NKTR: variants seen among roughly 807,000 people sequenced by gnomAD.
NKTR encodes NK-tumor recognition protein.
NKTR carries 67 observed loss-of-function variants against 156.3 expected under a neutral mutation model. The ratio of observed to expected loss-of-function variants is 0.43; its 90% CI spans 0.35 to 0.53. The LOEUF (loss-of-function observed/expected upper bound fraction) is 0.53. Ranked by LOEUF, NKTR falls within the 20% of genes least tolerant of loss-of-function variation. NKTR has a pLI of 0.01. For synonymous variants in NKTR, 640 were observed against 596.6 expected, an observed-to-expected ratio of 1.07 and a Z score of -1.06; for missense variants, 1,604 against 1,730.9, an observed-to-expected ratio of 0.93 and a Z score of 1.30.
At chr3:42,635,907 C>CA (rs373260157) in intron 12 of NKTR, among the ~76,000 whole-genome samples, 4,207 of 113,974 alleles carry the variant, frequency 0.037, 92 homozygotes, top group Middle Eastern at 0.1. Flanking sequence ...GACTCCGTCT[C>CA]AAAAAAAAAA....
chr3:42,637,137 C>T lies in NKTR; in HGVS notation c.1433C>T (p.Ser478Phe). The T allele has an allele frequency of 9.9e-6, 16 of 1,611,326 alleles. No individual in the cohort carries two copies. The highest frequency in any genetic ancestry group is 1.3e-5 in the Non-Finnish European group (15 of 1,179,228). The change falls in exon 13 of 17, where the codon TCT becomes TTT. Residue 478 changes from serine to phenylalanine, a missense_variant. Coordinates refer to ENST00000232978, the MANE Select transcript of NKTR (RefSeq NM_005385.4). The stretch of plus-strand genomic sequence containing the variant: ...TCTTCCACTCGAAGAATGAAATCCT[C>T]TTGTGATAGAGAAAGGAGTTCTCGT... ...SKSSTRRMKS[S>F]CDRERSSRSS...
intron 16 of NKTR, among the ~76,000 whole-genome samples, chr3:42,644,770 G>C (rs1710214097): frequency 6.6e-6 from 1 of 152,100 alleles, no homozygotes; most frequent in Admixed American, 6.5e-5. Flanking sequence ...TTTGCCACTT[G>C]AAATGGCCAG....
chr3:42,601,562 C>T (rs1705476365), intron 2 of NKTR: 1 of 152,322 alleles, frequency 6.6e-6, no homozygotes, highest in Non-Finnish European at 1.5e-5. Flanking sequence ...TAGTGAAGAT[C>T]TTTTGTGATA....
chr3:42,618,778 A>G (rs980662280), intron 3 of NKTR, among the ~76,000 whole-genome samples: 1 of 152,098 alleles, frequency 6.6e-6, no homozygotes, highest in Non-Finnish European at 1.5e-5. Flanking sequence ...TGTGTCTAGT[A>G]TTATGTCCTA....
intron 2 of NKTR, chr3:42,602,342 T>A (rs990586474): frequency 6.6e-6 from 1 of 152,226 alleles, no homozygotes; most frequent in Non-Finnish European, 1.5e-5. Flanking sequence ...CTAGGTGTGT[T>A]TAAATACATT....
At chr3:42,616,748 T>C (rs1218280542) in intron 2 of NKTR, among the ~76,000 whole-genome samples, 1 of 152,070 alleles carries the variant, frequency 6.6e-6, no homozygotes, top group Non-Finnish European at 1.5e-5. Context: ...GGGGATAGGA[T>C]GGGGAGTATT....
intron 6 of NKTR, 32 bp from the exon 7 acceptor site, chr3:42,630,514 A>G (rs1438621698): frequency 1.2e-6 from 2 of 1,613,368 alleles, no homozygotes; most frequent in African/African-American, 2.7e-5. Context: ...ATCGTGTTTG[A>G]CATCATCTTT....
At chr3:42,643,634 A>G (rs1310229654) in intron 15 of NKTR, 1 of 635,778 alleles carries the variant, frequency 1.6e-6, no homozygotes, top group Non-Finnish European at 2.8e-6. Context: ...ATAATTGCCT[A>G]CAGAGATCCA....
At chr3:42,625,027 G>A (rs1321506145) in intron 6 of NKTR, among the ~76,000 whole-genome samples, 1 of 152,082 alleles carries the variant, frequency 6.6e-6, no homozygotes, top group Non-Finnish European at 1.5e-5. Flanking sequence ...CTTAAACATT[G>A]GTATAAAAAT....
At chr3:42,633,144 A>ATC in intron 9 of NKTR, 1 of 484,314 alleles carries the variant, frequency 2.1e-6, no homozygotes. Context: ...GGCTCAAGAG[A>ATC]TCTTTCTGCA....
In NKTR at chr3:42,618,789, T is replaced by C. The variant is rs140150144; in HGVS notation, c.134-231T>C. On this transcript the variant is annotated intron_variant, in intron 3 of 16. Coordinates refer to ENST00000232978, the MANE Select transcript of NKTR (RefSeq NM_005385.4). ...TAAGTGTGTCTAGTATTATGTCCTATAGCATGTAGAGTCTGTACCACACAA... is the reference window on the plus strand; with the variant it reads ...TAAGTGTGTCTAGTATTATGTCCTACAGCATGTAGAGTCTGTACCACACAA... Among the ~76,000 whole-genome samples, 80 of 152,282 alleles carry C rather than the reference T, an allele frequency of 5.3e-4. No individual in the cohort carries two copies. In the East Asian group the frequency reaches 0.011, roughly 21 times the overall value.
chr3:42,606,995 C>G (rs752744616), intron 2 of NKTR, among the ~76,000 whole-genome samples: 32 of 152,186 alleles, frequency 2.1e-4, no homozygotes, highest in Non-Finnish European at 4.3e-4. Context: ...CCTCAGCCTT[C>G]TGATACGTAA....
chr3:42,627,380 A>G, intron 6 of NKTR: 2 of 985,210 alleles, frequency 2.0e-6, no homozygotes, highest in Middle Eastern at 5.2e-4. Flanking sequence ...TTTATTTTTC[A>G]TGGTTAATCC....
At chr3:42,620,284 A>G (rs577729852) in intron 5 of NKTR, 39 of 1,222,358 alleles carry the variant, frequency 3.2e-5, no homozygotes, top group Middle Eastern at 2.4e-4. Flanking sequence ...AAACCAAGCA[A>G]TTTCTTTGAA....
At position 42,620,942 on chromosome 3, in the gene NKTR, TATAAC is replaced by T. The variant is rs1301821033; in HGVS notation, c.287-482_287-478del. The T allele has an allele frequency of 5.6e-6, 5 of 895,184 alleles. No individual in the cohort carries two copies. In the African/African-American group the frequency reaches 7.2e-5, roughly 13 times the overall value. The allele number at this position is 895,184 out of a possible 1,614,324, so 55.5% of individuals were successfully genotyped here. A position where few individuals can be genotyped will look rare whatever the true frequency, so the allele number is the denominator to read the frequency against. On this transcript the variant is annotated intron_variant, in intron 5 of 16. Transcript: ENST00000232978. Reference sequence around the variant, plus strand: ...ATTTAGATATGTTCCTGTAACTTAATATAACATAATTTTTTTGTCTTACAGTCTAG... The same window carrying T: ...ATTTAGATATGTTCCTGTAACTTAATATAATTTTTTTGTCTTACAGTCTAG...
intron 2 of NKTR, chr3:42,612,177 T>TTTACTA (rs1186907096): frequency 3.3e-4 from 51 of 152,332 alleles, no homozygotes; most frequent in African/African-American, 1.1e-3. Context: ...CAAGGTGCAG[T>TTTACTA]ACAGTGTGCA....
rs932070031 is a variant in NKTR at position 42,630,273 on chromosome 3, G to A, written c.375-273G>A. On this transcript the variant is annotated intron_variant, in intron 6 of 16. Transcript: ENST00000232978. The stretch of plus-strand genomic sequence containing the variant: ...TGTGTATTCATGCTGTGTATTTATG[G>A]CTACAAGTCAAACTGATTTCATATG... The A allele has an allele frequency of 2.5e-6, 3 of 1,191,308 alleles. No homozygotes were observed. The African/African-American group carries it at 4.7e-5, about 19-fold the overall frequency. The allele number at this position is 1,191,308 out of a possible 1,614,324, so 73.8% of individuals were successfully genotyped here. A position where few individuals can be genotyped will look rare whatever the true frequency, so the allele number is the denominator to read the frequency against.
intron 5 of NKTR, 183 bp downstream of exon 5, chr3:42,619,891 T>C: frequency 1.4e-6 from 2 of 1,414,198 alleles, no homozygotes; most frequent in Non-Finnish European, 9.2e-7. Context: ...AATTTTTAAT[T>C]GACAAGATTA....
At chr3:42,609,927 G>C (rs897569160) in intron 2 of NKTR, among the ~76,000 whole-genome samples, 2 of 152,116 alleles carry the variant, frequency 1.3e-5, no homozygotes, top group African/African-American at 4.8e-5. Flanking sequence ...TATAGCTAAT[G>C]TTTCAAATGG....
Sources: gnomAD v4.1 joint callset for allele counts (sites outside exome capture counted in the v4.1 genomes callset) on GRCh38, gnomAD v4.1.1 for gene constraint, MANE v1.5 for transcripts, NCBI Gene and HGNC (gene_info 2026-07-23, HGNC 2026-07-21) for gene names.